Variants in GLIS3 observed in about 807,000 individuals in gnomAD.
The protein encoded by GLIS3 is zinc finger protein GLIS3.
A neutral mutation model predicts 78.6 loss-of-function variants in GLIS3; 53 were observed. The observed-to-expected ratio is 0.67, with a 90% CI of 0.54 to 0.85. The LOEUF is 0.85. Ranked by LOEUF, GLIS3 falls within the 40% of genes least tolerant of loss-of-function variation. The pLI is 0.00. For missense variants in GLIS3, 1,703 were observed against 1,231.1 expected, an observed-to-expected ratio of 1.38 and a Z score of -5.74; for synonymous variants, 684 against 509.9, an observed-to-expected ratio of 1.34 and a Z score of -4.60.
chr9:4,062,747 GA>G (rs1295970145), intron 4 of GLIS3, among the ~76,000 whole-genome samples: 1 of 152,074 alleles, frequency 6.6e-6, no homozygotes, highest in East Asian at 1.9e-4. Context: ...CTAACACAGC[GA>G]AACCCCATCT....
At chr9:4,048,760 A>C (rs796789652) in intron 4 of GLIS3, among the ~76,000 whole-genome samples, 1 of 152,264 alleles carries the variant, frequency 6.6e-6, no homozygotes, top group African/African-American at 2.4e-5. Context: ...CTTTCCAGCC[A>C]CCCATCAGGT....
Position 4,007,408 on chromosome 9 carries a change from T to G in GLIS3, c.1711-70219A>C, listed in dbSNP as rs570167664. 3.3e-5 allele frequency among the ~76,000 whole-genome samples: 5 copies of G among 152,284 alleles called. No individual in the cohort carries two copies. The East Asian group carries it at 9.6e-4, about 29-fold the overall frequency. The stretch of plus-strand genomic sequence containing the variant: ...TCCCTCTTCCTGGTTCAAGGTCCCC[T>G]TCCTTACCCTGGTACCAGATACATC... On this transcript the variant is annotated intron_variant, in intron 4 of 10. Coordinates refer to ENST00000381971, the MANE Select transcript of GLIS3 (RefSeq NM_001042413.2).
intron 4 of GLIS3, among the ~76,000 whole-genome samples, chr9:3,942,542 A>G (rs938937453): frequency 3.3e-5 from 5 of 152,246 alleles, no homozygotes; most frequent in African/African-American, 1.2e-4. Flanking sequence ...TGTAAGTGAA[A>G]GATTACTTCT....
the GLIS3 span, among the ~76,000 whole-genome samples, chr9:4,367,067 G>C: frequency 6.6e-6 from 1 of 152,148 alleles, no homozygotes; most frequent in African/African-American, 2.4e-5. Flanking sequence ...CCTTTCCAGA[G>C]AGCTAATATT....
the GLIS3 span, among the ~76,000 whole-genome samples, chr9:4,403,260 A>G: frequency 1.3e-5 from 2 of 152,302 alleles, no homozygotes; most frequent in South Asian, 4.1e-4. Context: ...CAGACAAACA[A>G]AAGCTGAGGG....
At chr9:4,141,585 T>C (rs1833819973) in intron 2 of GLIS3, among the ~76,000 whole-genome samples, 4 of 152,198 alleles carry the variant, frequency 2.6e-5, no homozygotes, top group Admixed American at 2.6e-4. Flanking sequence ...TGAGATTAAA[T>C]TTCCCACTAA....
intron 2 of GLIS3, among the ~76,000 whole-genome samples, chr9:4,232,420 A>C (rs551403603): frequency 6.6e-6 from 1 of 151,482 alleles, no homozygotes; most frequent in Non-Finnish European, 1.5e-5. Flanking sequence ...AAAAAAAGAA[A>C]GAAACAAAGA....
chr9:3,910,447 T>A (rs926031395), intron 6 of GLIS3, among the ~76,000 whole-genome samples: 3 of 152,248 alleles, frequency 2.0e-5, no homozygotes, highest in Non-Finnish European at 2.9e-5. Context: ...TTTCCTGGGT[T>A]TGAGCAATCC....
chr9:4,411,931 AG>A, the GLIS3 span, among the ~76,000 whole-genome samples: 1 of 152,256 alleles, frequency 6.6e-6, no homozygotes, highest in African/African-American at 2.4e-5. Flanking sequence ...GGTCCTAACT[AG>A]TTTAGATAAA....
chr9:4,436,595 A>G, the GLIS3 span, among the ~76,000 whole-genome samples: 1 of 152,056 alleles, frequency 6.6e-6, no homozygotes, highest in African/African-American at 2.4e-5. Context: ...ACCTGAGGTC[A>G]TGAGTTCAAG....
chr9:4,032,014 G>C (rs1415500004), intron 4 of GLIS3, among the ~76,000 whole-genome samples: 2 of 152,156 alleles, frequency 1.3e-5, no homozygotes. Context: ...AGGAGCCCAG[G>C]AGGTCCTTTT....
intron 4 of GLIS3, among the ~76,000 whole-genome samples, chr9:3,961,501 T>A (rs1278594061): frequency 6.6e-6 from 1 of 152,210 alleles, no homozygotes; most frequent in Non-Finnish European, 1.5e-5. Flanking sequence ...AGTAAGCCAG[T>A]CAGAATAACA....
chr9:4,206,740 T>A (rs1276505549), intron 2 of GLIS3, among the ~76,000 whole-genome samples: 1 of 152,242 alleles, frequency 6.6e-6, no homozygotes, highest in Non-Finnish European at 1.5e-5. Flanking sequence ...ACGGTTTGAA[T>A]GAAAATCTTT....
At chr9:4,477,750 G>C in the GLIS3 span, among the ~76,000 whole-genome samples, 1 of 152,124 alleles carries the variant, frequency 6.6e-6, no homozygotes, top group Admixed American at 6.6e-5. Context: ...GTTTCAGTCT[G>C]GGAAGGTAAA....
the GLIS3 span, among the ~76,000 whole-genome samples, chr9:4,421,428 G>T: frequency 6.6e-6 from 1 of 152,360 alleles, no homozygotes; most frequent in Non-Finnish European, 1.5e-5. Flanking sequence ...GAGAAAGCTG[G>T]CTGGTCTGAT....
At chr9:4,284,097 C>A (rs1056146483) in intron 2 of GLIS3, among the ~76,000 whole-genome samples, 2 of 152,176 alleles carry the variant, frequency 1.3e-5, no homozygotes, top group Non-Finnish European at 2.9e-5. Flanking sequence ...CACTGCTGAC[C>A]GCCATCAAAG....
At chr9:4,348,908 T>C (rs1331779606), upstream of GLIS3, among the ~76,000 whole-genome samples, 2 of 152,218 alleles carry the variant, frequency 1.3e-5, no homozygotes, top group African/African-American at 2.4e-5. Flanking sequence ...TTATGGATGG[T>C]GCTTTCTTCT....
At chr9:4,416,085 T>A in the GLIS3 span, among the ~76,000 whole-genome samples, 1 of 151,080 alleles carries the variant, frequency 6.6e-6, no homozygotes, top group Non-Finnish European at 1.5e-5. Context: ...ATGACTGCAC[T>A]AACTAAAACC....
intron 2 of GLIS3, among the ~76,000 whole-genome samples, chr9:4,187,711 C>T (rs1383726916): frequency 6.6e-6 from 1 of 152,198 alleles, no homozygotes; most frequent in Non-Finnish European, 1.5e-5. Flanking sequence ...AGGTCTTTCA[C>T]ATCCCTTGTA....
Sources: allele counts gnomAD v4.1 joint callset (sites outside exome capture counted in the v4.1 genomes callset), GRCh38; gene constraint gnomAD v4.1.1; transcripts MANE v1.5; gene names NCBI Gene and HGNC (gene_info 2026-07-23, HGNC 2026-07-21).